ZFPM2: variants seen among roughly 807,000 people sequenced by gnomAD.
ZFPM2 encodes the protein zinc finger protein ZFPM2.
A neutral mutation model predicts 98.6 loss-of-function variants in ZFPM2; 20 were observed. The ratio of observed to expected loss-of-function variants is 0.20; its 90% CI spans 0.14 to 0.29. The LOEUF (loss-of-function observed/expected upper bound fraction) is 0.29. Ranked by LOEUF, ZFPM2 falls within the 10% of genes least tolerant of loss-of-function variation. ZFPM2 has a pLI of 1.00. For synonymous variants in ZFPM2, 518 were observed against 502.7 expected (o/e 1.03, Z -0.41); for missense variants, 1,310 against 1,388.6 (o/e 0.94, Z 0.90).
At chr8:105,796,791 A>G (rs752480682) in intron 6 of ZFPM2, 1 of 152,140 alleles carries the variant, frequency 6.6e-6, no homozygotes, top group Non-Finnish European at 1.5e-5. Flanking sequence ...CCACATGTCT[A>G]ACGTGAACAT....
At chr8:105,732,272 A>G (rs1037238133) in intron 5 of ZFPM2, among the ~76,000 whole-genome samples, 6 of 151,804 alleles carry the variant, frequency 4.0e-5, no homozygotes, top group East Asian at 1.9e-4. Context: ...TCACTAAATG[A>G]TAAAATAAGC....
chr8:105,706,646 C>G (rs1339189411), intron 5 of ZFPM2, among the ~76,000 whole-genome samples: 1 of 152,064 alleles, frequency 6.6e-6, no homozygotes, highest in Admixed American at 6.5e-5. Flanking sequence ...GTGGCATGAT[C>G]TCAGCTCACT....
At chr8:105,326,955 G>C (rs949037350) in intron 1 of ZFPM2, among the ~76,000 whole-genome samples, 1 of 150,864 alleles carries the variant, frequency 6.6e-6, no homozygotes, top group African/African-American at 2.4e-5. Flanking sequence ...CCAATAAAAT[G>C]CTATATTTTA....
At chr8:105,794,276 T>C (rs915937052) in intron 6 of ZFPM2, among the ~76,000 whole-genome samples, 2 of 152,184 alleles carry the variant, frequency 1.3e-5, no homozygotes, top group African/African-American at 4.8e-5. Context: ...TTCTGTTTGT[T>C]AGTTTTCCTT....
chr8:105,434,906 A>G (rs768200435), intron 2 of ZFPM2, among the ~76,000 whole-genome samples: 2 of 152,202 alleles, frequency 1.3e-5, no homozygotes, highest in Non-Finnish European at 2.9e-5. Flanking sequence ...ACTGTCTCGG[A>G]ATGTGGCAAA....
intron 4 of ZFPM2, among the ~76,000 whole-genome samples, chr8:105,603,476 T>C (rs1816135649): frequency 6.6e-6 from 1 of 152,214 alleles, no homozygotes; most frequent in South Asian, 2.1e-4. Flanking sequence ...TTATATTTTT[T>C]CCCCAAAAAT....
chr8:105,485,488 A>T (rs1813213961), intron 3 of ZFPM2, among the ~76,000 whole-genome samples: 1 of 152,106 alleles, frequency 6.6e-6, no homozygotes, highest in Non-Finnish European at 1.5e-5. Context: ...TCTGCTCTCC[A>T]ACCTGGGTGA....
intron 1 of ZFPM2, among the ~76,000 whole-genome samples, chr8:105,356,619 A>G (rs1242018271): frequency 6.6e-6 from 1 of 152,172 alleles, no homozygotes; most frequent in African/African-American, 2.4e-5. Context: ...AGAAACTGAT[A>G]TATATATACA....
At chr8:105,419,465 T>TA (rs1275442789) in intron 2 of ZFPM2, among the ~76,000 whole-genome samples, 163 bp downstream of exon 2, 2 of 152,146 alleles carry the variant, frequency 1.3e-5, no homozygotes, top group Non-Finnish European at 2.9e-5. Flanking sequence ...GGGACATGAG[T>TA]AACTCCACTC....
Position 105,524,854 on chromosome 8 carries a change from G to A in ZFPM2, c.302-36509G>A, listed in dbSNP as rs140931251. Among the ~76,000 whole-genome samples the A allele has an allele frequency of 2.2e-3, 341 of 152,090 alleles. 1 individual carries two copies. The highest frequency in any genetic ancestry group is 3.4e-3 in the Admixed American group (52 of 15,276). ...CAGAGAGCTCTAGACTTTGTAGAGGGAGAAAAAAAGATTCTTGTGTGTTTA... is the reference window on the plus strand; with the variant it reads ...CAGAGAGCTCTAGACTTTGTAGAGGAAGAAAAAAAGATTCTTGTGTGTTTA... On this transcript the variant is annotated intron_variant, in intron 3 of 7. Transcript: ENST00000407775.
At chr8:105,340,605 G>T (rs1812411268) in intron 1 of ZFPM2, among the ~76,000 whole-genome samples, 1 of 151,838 alleles carries the variant, frequency 6.6e-6, no homozygotes, top group Non-Finnish European at 1.5e-5. Flanking sequence ...AAGTATTGAT[G>T]TGTCTTGTTA....
chr8:105,347,743 T>C (rs575837202), intron 1 of ZFPM2, among the ~76,000 whole-genome samples: 72 of 152,246 alleles, frequency 4.7e-4, no homozygotes, highest in Non-Finnish European at 8.8e-4. Flanking sequence ...ACAGCTTCTG[T>C]TTTATGCCCC....
intron 1 of ZFPM2, among the ~76,000 whole-genome samples, chr8:105,368,630 G>C (rs1810556221): frequency 1.3e-5 from 2 of 152,062 alleles, no homozygotes; most frequent in South Asian, 2.1e-4. Flanking sequence ...AATATGGCAA[G>C]TTTCTTCCTC....
rs192289555 is a variant in ZFPM2, at chr8:105,519,468, G to A, written c.302-41895G>A. Among the ~76,000 whole-genome samples the A allele has an allele frequency of 2.5e-3, 385 of 152,206 alleles. 12 individuals carry two copies. Among genetic ancestry groups the A allele is most frequent in the Admixed American group, 0.024 (363 of 15,286 alleles). ...CCTGGGAAAAAGAAAAAAAAATTGA[G>A]ATAATCCTACAGTGTCCTCCCAAAG... On this transcript the variant is annotated intron_variant, in intron 3 of 7. Coordinates refer to ENST00000407775, the MANE Select transcript of ZFPM2 (RefSeq NM_012082.4).
chr8:105,646,794 G>A (rs1309054530), intron 5 of ZFPM2, among the ~76,000 whole-genome samples: 4 of 152,034 alleles, frequency 2.6e-5, no homozygotes, highest in Admixed American at 6.6e-5. Context: ...CTGGTGGTGC[G>A]TTGGGGAAGT....
chr8:105,419,331 T>G (rs1397454038), intron 2 of ZFPM2, 29 bp downstream of exon 2: 2 of 1,603,718 alleles, frequency 1.2e-6, no homozygotes, highest in African/African-American at 2.8e-5. Context: ...ATGTAATATG[T>G]GAGTCCACTT....
intron 3 of ZFPM2, among the ~76,000 whole-genome samples, chr8:105,531,856 G>A (rs1814304277): frequency 6.6e-6 from 1 of 152,030 alleles, no homozygotes; most frequent in African/African-American, 2.4e-5. Flanking sequence ...CTACTGTAAT[G>A]GGTCATTTAA....
chr8:105,517,989 A>G (rs1563695606), intron 3 of ZFPM2, among the ~76,000 whole-genome samples: 1 of 152,110 alleles, frequency 6.6e-6, no homozygotes, highest in Non-Finnish European at 1.5e-5. Flanking sequence ...AGAGCTGGCC[A>G]ATGTTTACTC....
intron 5 of ZFPM2, among the ~76,000 whole-genome samples, chr8:105,701,001 GATAA>G (rs1190401969): frequency 2.1e-4 from 32 of 152,212 alleles, no homozygotes; most frequent in African/African-American, 7.2e-4. Flanking sequence ...TTGATTTTAT[GATAA>G]ATAGTGTGTT....
Sources: allele counts gnomAD v4.1 joint callset (sites outside exome capture counted in the v4.1 genomes callset), GRCh38; gene constraint gnomAD v4.1.1; transcripts MANE v1.5; gene names NCBI Gene and HGNC (gene_info 2026-07-23, HGNC 2026-07-21).